Variants in RAB33A observed in about 807,000 individuals in gnomAD.
The protein encoded by RAB33A is ras-related protein Rab-33A.
In RAB33A, 6 loss-of-function variants were observed where a neutral mutation model predicts 12.0. The ratio of observed to expected loss-of-function variants is 0.50; its 90% confidence interval spans 0.27 to 0.99. The LOEUF (loss-of-function observed/expected upper bound fraction) is 0.99, where lower values mean the gene tolerates loss of function less well. Among genes scored for constraint, RAB33A ranks in the 50% least tolerant of loss-of-function variants. The pLI is 0.11. For missense variants in RAB33A, 109 were observed against 192.0 expected, an observed-to-expected ratio of 0.57 and a Z score of 2.55; for synonymous variants, 70 against 82.4, an observed-to-expected ratio of 0.85 and a Z score of 0.81.
At chrX:130,123,219 A>G in the RAB33A span, among the ~76,000 whole-genome samples, 22 of 112,445 alleles carry the variant, frequency 2.0e-4, no homozygotes, top group East Asian at 3.9e-3. Context: ...CTGTTCTCTC[A>G]TTTTACAGAT....
chrX:130,169,622 C>A (rs923694201), upstream of RAB33A, among the ~76,000 whole-genome samples: 2 of 111,987 alleles, frequency 1.8e-5, no homozygotes, highest in African/African-American at 6.5e-5. Flanking sequence ...AAGTCTCACC[C>A]CACAGAAGTA....
chrX:130,137,543 G>A, the RAB33A span: 350 of 1,163,476 alleles, frequency 3.0e-4, 2 homozygotes, highest in Middle Eastern at 2.5e-3. Context: ...AGAACATTAA[G>A]AAAACTAGTT....
At chrX:130,156,635 T>A in the RAB33A span, 2 of 1,196,257 alleles carry the variant, frequency 1.7e-6, no homozygotes, top group Non-Finnish European at 2.3e-6. Context: ...GACACACACA[T>A]ACAAAAATAA....
intron 1 of RAB33A, 36 bp downstream of exon 1, chrX:130,172,356 C>T (rs1175752326): frequency 8.6e-7 from 1 of 1,167,690 alleles, no homozygotes; most frequent in Non-Finnish European, 1.1e-6. Flanking sequence ...AGGGTGGGAC[C>T]CGGGAGGGGA....
chrX:130,140,322 G>A, the RAB33A span, among the ~76,000 whole-genome samples: 1 of 112,418 alleles, frequency 8.9e-6, no homozygotes, highest in African/African-American at 3.2e-5. Flanking sequence ...ACTTCTTCAT[G>A]CCTCTACCGG....
the RAB33A span, among the ~76,000 whole-genome samples, chrX:130,153,042 G>A: frequency 1.0e-4 from 11 of 110,158 alleles, no homozygotes; most frequent in Non-Finnish European, 1.9e-4. Flanking sequence ...TTTAAAAGTC[G>A]ACAGTTTAGG....
At chrX:130,150,992 A>G in the RAB33A span, among the ~76,000 whole-genome samples, 1 of 104,432 alleles carries the variant, frequency 9.6e-6, no homozygotes, top group Non-Finnish European at 2.0e-5. Flanking sequence ...AAAAAAAAAA[A>G]AAAGAAAAGA....
chrX:130,117,401 C>T, the RAB33A span, among the ~76,000 whole-genome samples: 5 of 111,209 alleles, frequency 4.5e-5, no homozygotes, highest in Non-Finnish European at 7.6e-5. Flanking sequence ...TAGGTGCTCA[C>T]CCTGAGCGTG....
the RAB33A span, chrX:130,139,699 T>C: frequency 2.5e-6 from 2 of 804,865 alleles, no homozygotes; most frequent in Non-Finnish European, 3.8e-6. Context: ...TAAATAGAAC[T>C]TGGATCTCCC....
chrX:130,161,688 A>T, the RAB33A span, among the ~76,000 whole-genome samples: 1 of 96,516 alleles, frequency 1.0e-5, no homozygotes, highest in Non-Finnish European at 2.1e-5. Flanking sequence ...GTTCACCGCA[A>T]CCTCCACTTC....
At chrX:130,112,755 A>G in the RAB33A span, among the ~76,000 whole-genome samples, 10 of 110,661 alleles carry the variant, frequency 9.0e-5, no homozygotes, top group Middle Eastern at 4.6e-3. Context: ...AGTTCCAGCT[A>G]CTCGGGAGGC....
chrX:130,112,173 T>C, the RAB33A span, among the ~76,000 whole-genome samples: 3 of 112,048 alleles, frequency 2.7e-5, no homozygotes, highest in African/African-American at 9.7e-5. Flanking sequence ...GTGGCTGGAC[T>C]GGGGCGCCGG....
At chrX:130,126,501 A>AG in the RAB33A span, among the ~76,000 whole-genome samples, 1 of 109,065 alleles carries the variant, frequency 9.2e-6, no homozygotes, top group Non-Finnish European at 1.9e-5. Flanking sequence ...AAAAAGAAAA[A>AG]AAAAAAGAAA....
At chrX:130,147,963 G>A in the RAB33A span, 22,721 of 1,113,185 alleles carry the variant, frequency 0.02, 226 homozygotes, top group Non-Finnish European at 0.022. Flanking sequence ...CCTTGCACTT[G>A]TCTCAATCCT....
chrX:130,137,899 C>A, the RAB33A span: 1 of 270,677 alleles, frequency 3.7e-6, no homozygotes, highest in African/African-American at 3.0e-5. Context: ...CCTGTCTCTA[C>A]CAAAAATACA....
At chrX:130,156,538 C>T in the RAB33A span, 4 of 1,211,482 alleles carry the variant, frequency 3.3e-6, no homozygotes, top group Non-Finnish European at 4.5e-6. Flanking sequence ...CCTGATGCAC[C>T]AGAGCTAGCC....
At chrX:130,174,840 A>T (rs1438098655) in intron 1 of RAB33A, among the ~76,000 whole-genome samples, 2 of 110,677 alleles carry the variant, frequency 1.8e-5, no homozygotes, top group Non-Finnish European at 3.8e-5. Flanking sequence ...TTAGAGCCAC[A>T]CTGTAATTAA....
chrX:130,111,768 A>C, the RAB33A span, among the ~76,000 whole-genome samples: 1 of 112,102 alleles, frequency 8.9e-6, no homozygotes, highest in African/African-American at 3.2e-5. Flanking sequence ...CCACGCGCCC[A>C]CTTGAAAGCC....
chrX:130,117,534 G>T, the RAB33A span, among the ~76,000 whole-genome samples: 5 of 111,641 alleles, frequency 4.5e-5, no homozygotes, highest in African/African-American at 1.6e-4. Context: ...TGGAGGGTGT[G>T]GGAGATGGAA....
Sources: gnomAD v4.1 joint callset for allele counts (sites outside exome capture counted in the v4.1 genomes callset) on GRCh38, gnomAD v4.1.1 for gene constraint, MANE v1.5 for transcripts, NCBI Gene and HGNC (gene_info 2026-07-23, HGNC 2026-07-21) for gene names.